AGBL4: variants seen among roughly 807,000 people sequenced by gnomAD.
AGBL4 encodes cytosolic carboxypeptidase 6.
Under a neutral mutation model 66.4 loss-of-function variants are expected in AGBL4, and 58 were observed. The ratio of observed to expected loss-of-function variants is 0.87; its 90% CI spans 0.71 to 1.09. The LOEUF is 1.09. Ranked by LOEUF, AGBL4 falls within the 50% of genes least tolerant of loss-of-function variation. The pLI is 0.00. For missense variants in AGBL4, 579 were observed against 631.0 expected (o/e 0.92, Z 0.88); for synonymous variants, 234 against 222.9 (o/e 1.05, Z -0.44).
At chr1:49,849,954 T>C (rs1571711942) in intron 2 of AGBL4, among the ~76,000 whole-genome samples, 1 of 152,166 alleles carries the variant, frequency 6.6e-6, no homozygotes, top group African/African-American at 2.4e-5. Flanking sequence ...AAAGATATTA[T>C]GTAGGCATCA....
chr1:49,317,058 T>C (rs1645051493), intron 3 of AGBL4, among the ~76,000 whole-genome samples: 1 of 151,982 alleles, frequency 6.6e-6, no homozygotes, highest in Admixed American at 6.6e-5. Context: ...TATATATCTC[T>C]ATCATCCATC....
chr1:49,406,241 A>T (rs978532551), intron 3 of AGBL4, among the ~76,000 whole-genome samples: 2 of 152,198 alleles, frequency 1.3e-5, no homozygotes, highest in Non-Finnish European at 2.9e-5. Context: ...CTCTTAAAAT[A>T]TGTCTTTCCT....
chr1:48,860,007 C>T (rs939511130), intron 6 of AGBL4, among the ~76,000 whole-genome samples: 7 of 152,044 alleles, frequency 4.6e-5, no homozygotes, highest in South Asian at 2.1e-4. Context: ...ACACTACATT[C>T]GAATAACAAT....
At chr1:49,379,884 C>T (rs1644558382) in intron 3 of AGBL4, among the ~76,000 whole-genome samples, 1 of 152,084 alleles carries the variant, frequency 6.6e-6, no homozygotes, top group Non-Finnish European at 1.5e-5. Context: ...CAGGATGATG[C>T]TGGCCTCATA....
chr1:49,881,903 T>A (rs1428571340), intron 1 of AGBL4, among the ~76,000 whole-genome samples: 1 of 152,104 alleles, frequency 6.6e-6, no homozygotes, highest in Non-Finnish European at 1.5e-5. Flanking sequence ...TAGATCCCAT[T>A]TGTCAATTTT....
intron 1 of AGBL4, among the ~76,000 whole-genome samples, chr1:49,976,969 T>G (rs766963411): frequency 6.6e-6 from 1 of 152,206 alleles, no homozygotes; most frequent in Non-Finnish European, 1.5e-5. Context: ...TTTAGCCAAT[T>G]TACTCAATAT....
At chr1:48,547,049 C>G (rs898392021) in intron 11 of AGBL4, among the ~76,000 whole-genome samples, 1 of 152,026 alleles carries the variant, frequency 6.6e-6, no homozygotes, top group Admixed American at 6.6e-5. Flanking sequence ...GGAAGGGTGT[C>G]TGGGAAGGGT....
At chr1:49,727,502 G>A (rs1649120631) in intron 2 of AGBL4, among the ~76,000 whole-genome samples, 1 of 152,022 alleles carries the variant, frequency 6.6e-6, no homozygotes, top group South Asian at 2.1e-4. Context: ...GAGTCTCTGA[G>A]GCTATTTTAA....
intron 3 of AGBL4, among the ~76,000 whole-genome samples, chr1:49,298,858 C>T (rs1644691163): frequency 6.6e-6 from 1 of 152,178 alleles, no homozygotes; most frequent in Non-Finnish European, 1.5e-5. Flanking sequence ...TCTATCTCTT[C>T]TCTGCCTTAG....
chr1:49,227,065 C>T (rs921772358), intron 4 of AGBL4, among the ~76,000 whole-genome samples: 3 of 152,174 alleles, frequency 2.0e-5, no homozygotes, highest in East Asian at 1.9e-4. Context: ...GTCCCACCTC[C>T]TATTACCATC....
At chr1:49,066,148 G>A (rs1644488132) in intron 4 of AGBL4, among the ~76,000 whole-genome samples, 1 of 152,180 alleles carries the variant, frequency 6.6e-6, no homozygotes, top group Admixed American at 6.5e-5. Context: ...AGATTCACGT[G>A]AGAGCATGGC....
intron 3 of AGBL4, among the ~76,000 whole-genome samples, chr1:49,328,962 C>G (rs966004751): frequency 6.6e-6 from 1 of 152,138 alleles, no homozygotes; most frequent in Non-Finnish European, 1.5e-5. Flanking sequence ...TTCTGTACTA[C>G]TAATCTGAAT....
At chr1:49,233,736 ATT>A (rs1417677125) in intron 4 of AGBL4, among the ~76,000 whole-genome samples, 1 of 152,242 alleles carries the variant, frequency 6.6e-6, no homozygotes, top group African/African-American at 2.4e-5. Flanking sequence ...GATGTGTGCT[ATT>A]AAGGATGAAT....
intron 1 of AGBL4, among the ~76,000 whole-genome samples, chr1:49,940,086 C>A (rs1220782027): frequency 3.3e-5 from 5 of 152,244 alleles, no homozygotes; most frequent in South Asian, 2.1e-4. Context: ...ATGCAGCCAA[C>A]AGACACATGA....
chr1:50,011,877 C>T (rs552970835), intron 1 of AGBL4, among the ~76,000 whole-genome samples: 7 of 152,208 alleles, frequency 4.6e-5, no homozygotes, highest in African/African-American at 1.4e-4. Flanking sequence ...GAATGTTTAC[C>T]GGCCGGGCGC....
chr1:49,747,211 C>T (rs1308457266), intron 2 of AGBL4, among the ~76,000 whole-genome samples: 4 of 152,042 alleles, frequency 2.6e-5, no homozygotes. Flanking sequence ...TATTCCTTTT[C>T]CACAAACTCC....
intron 5 of AGBL4, among the ~76,000 whole-genome samples, chr1:48,871,761 A>T (rs1570887894): frequency 1.3e-5 from 2 of 152,238 alleles, no homozygotes; most frequent in East Asian, 3.9e-4. Flanking sequence ...GAGTGTCTAT[A>T]GTGGATGCTT....
chr1:49,916,646 T>C (rs1651537648), intron 1 of AGBL4, among the ~76,000 whole-genome samples: 1 of 152,160 alleles, frequency 6.6e-6, no homozygotes, highest in African/African-American at 2.4e-5. Context: ...TGGAACCAAG[T>C]TGGAAAACAC....
chr1:49,908,816 GACT>G (rs1450477500), intron 1 of AGBL4, among the ~76,000 whole-genome samples: 1 of 152,034 alleles, frequency 6.6e-6, no homozygotes, highest in Non-Finnish European at 1.5e-5. Context: ...TTGCTTATCA[GACT>G]ACTAACTGAT....
Sources: gnomAD v4.1 joint callset for allele counts (sites outside exome capture counted in the v4.1 genomes callset) on GRCh38, gnomAD v4.1.1 for gene constraint, MANE v1.5 for transcripts, NCBI Gene and HGNC (gene_info 2026-07-23, HGNC 2026-07-21) for gene names.